MYPN: variants seen among roughly 807,000 people sequenced by gnomAD.
MYPN encodes the protein myopalladin.
In MYPN, 63 loss-of-function variants were observed where a neutral mutation model predicts 129.4. The observed-to-expected ratio is 0.49, with a 90% CI of 0.40 to 0.60. The LOEUF is 0.60. Among genes scored for constraint, MYPN ranks in the 20% least tolerant of loss-of-function variants. The pLI, the probability that MYPN is intolerant of heterozygous loss-of-function variation, is 0.00. For missense variants in MYPN, 1,596 were observed against 1,635.4 expected, an observed-to-expected ratio of 0.98 and a Z score of 0.42; for synonymous variants, 629 against 600.9, an observed-to-expected ratio of 1.05 and a Z score of -0.68.
At chr10:68,161,323 C>G (rs2042971068) in intron 7 of MYPN, among the ~76,000 whole-genome samples, 1 of 151,934 alleles carries the variant, frequency 6.6e-6, no homozygotes, top group Non-Finnish European at 1.5e-5. Flanking sequence ...TGATGAAACC[C>G]CATCTCTATC....
intron 2 of MYPN, among the ~76,000 whole-genome samples, chr10:68,127,858 A>G (rs1387541799): frequency 6.6e-6 from 1 of 152,242 alleles, no homozygotes; most frequent in Non-Finnish European, 1.5e-5. Context: ...ACCACAGTCA[A>G]TAAGGATAGT....
At chr10:68,138,633 C>T (rs533128225) in intron 2 of MYPN, among the ~76,000 whole-genome samples, 1 of 152,142 alleles carries the variant, frequency 6.6e-6, no homozygotes, top group South Asian at 2.1e-4. Context: ...AGAAAGTGAA[C>T]CACACTTTCA....
At chr10:68,179,673 T>C (rs2043284157) in intron 12 of MYPN, among the ~76,000 whole-genome samples, 1 of 152,144 alleles carries the variant, frequency 6.6e-6, no homozygotes, top group Admixed American at 6.6e-5. Flanking sequence ...ACTTTTTTAT[T>C]TTTTTGAGAC....
At chr10:68,176,576 G>A (rs2043230377) in intron 12 of MYPN, among the ~76,000 whole-genome samples, 1 of 152,154 alleles carries the variant, frequency 6.6e-6, no homozygotes, top group Non-Finnish European at 1.5e-5. Flanking sequence ...GTTATATATT[G>A]AGCAACTTAT....
At chr10:68,106,289 T>C, upstream of MYPN, 1 of 330,086 alleles carries the variant, frequency 3.0e-6, no homozygotes. Flanking sequence ...GAACTTTTAG[T>C]TTTTTTTTTT....
intron 10 of MYPN, among the ~76,000 whole-genome samples, chr10:68,170,581 C>T (rs950398447): frequency 6.6e-6 from 1 of 152,080 alleles, no homozygotes; most frequent in Admixed American, 6.6e-5. Context: ...CTTCAATTTG[C>T]TATTCATATG....
intron 1 of MYPN, among the ~76,000 whole-genome samples, chr10:68,097,226 T>G (rs2041961109): frequency 6.6e-6 from 1 of 152,212 alleles, no homozygotes; most frequent in South Asian, 2.1e-4. Context: ...TGATCTGATT[T>G]GCATCTCTAA....
At chr10:68,104,143 A>G (rs887804699), upstream of MYPN, among the ~76,000 whole-genome samples, 1 of 152,222 alleles carries the variant, frequency 6.6e-6, no homozygotes, top group Non-Finnish European at 1.5e-5. Context: ...AGCCTAGAAT[A>G]CACTTGTAAG....
At chr10:68,206,943 G>A (rs2134339094) in intron 19 of MYPN, 40 bp downstream of exon 19, 1 of 1,612,916 alleles carries the variant, frequency 6.2e-7, no homozygotes, top group Non-Finnish European at 8.5e-7. Context: ...GTATGCAACT[G>A]ACAGCTTAAA....
intron 4 of MYPN, among the ~76,000 whole-genome samples, chr10:68,147,522 C>A (rs772085493): frequency 6.6e-6 from 1 of 152,168 alleles, no homozygotes; most frequent in African/African-American, 2.4e-5. Flanking sequence ...ACACCTAGAC[C>A]AAAGGAAAGC....
chr10:68,197,301 G>A (rs375815224), intron 15 of MYPN, 51 bp from the exon 16 acceptor site: 2 of 1,600,514 alleles, frequency 1.2e-6, no homozygotes, highest in Admixed American at 1.7e-5. Context: ...ATTATCATAA[G>A]TTTGTAAATT....
chr10:68,142,274 C>T (rs748067817), intron 2 of MYPN, among the ~76,000 whole-genome samples: 11 of 152,168 alleles, frequency 7.2e-5, no homozygotes, highest in Non-Finnish European at 1.0e-4. Flanking sequence ...TGCACCTCTA[C>T]ATTTTAAACA....
chr10:68,204,854 C>T (rs2043786391), intron 18 of MYPN, among the ~76,000 whole-genome samples: 2 of 152,084 alleles, frequency 1.3e-5, no homozygotes, highest in Admixed American at 1.3e-4. Context: ...GACCCTCTCC[C>T]CTGCCTTCTT....
intron 2 of MYPN, among the ~76,000 whole-genome samples, chr10:68,142,309 A>G (rs1183903295): frequency 6.6e-6 from 1 of 152,180 alleles, no homozygotes; most frequent in Non-Finnish European, 1.5e-5. Context: ...ATTTTTGGTA[A>G]ACTTTGGCCA....
At chr10:68,121,330 C>T in intron 1 of MYPN, 108 bp from the exon 2 acceptor site, 1 of 948,576 alleles carries the variant, frequency 1.1e-6, no homozygotes, top group Non-Finnish European at 1.6e-6. Flanking sequence ...TTAGGCAATT[C>T]TTTATTTTGA....
intron 17 of MYPN, among the ~76,000 whole-genome samples, 189 bp from the exon 18 acceptor site, chr10:68,201,640 C>T (rs1290611294): frequency 3.9e-5 from 6 of 151,984 alleles, no homozygotes; most frequent in East Asian, 3.9e-4. Flanking sequence ...TGGCGGTGCA[C>T]GCCTGTAATC....
At chr10:68,191,190 G>A (rs2043505500) in intron 13 of MYPN, among the ~76,000 whole-genome samples, 1 of 149,354 alleles carries the variant, frequency 6.7e-6, no homozygotes, top group African/African-American at 2.5e-5. Context: ...GATTCCATAT[G>A]AATTTTAGAA....
At chr10:68,205,003 G>A (rs1443033405) in intron 18 of MYPN, among the ~76,000 whole-genome samples, 2 of 152,088 alleles carry the variant, frequency 1.3e-5, no homozygotes, top group African/African-American at 4.8e-5. Flanking sequence ...CCATCCCTGT[G>A]AGTTTCCACT....
At chr10:68,179,426 T>C (rs1249816091) in intron 12 of MYPN, among the ~76,000 whole-genome samples, 1 of 152,168 alleles carries the variant, frequency 6.6e-6, no homozygotes, top group Non-Finnish European at 1.5e-5. Flanking sequence ...TGCATCCCTG[T>C]TGTGCATGGT....
Sources: gnomAD v4.1 joint callset for allele counts (sites outside exome capture counted in the v4.1 genomes callset) on GRCh38, gnomAD v4.1.1 for gene constraint, MANE v1.5 for transcripts, NCBI Gene and HGNC (gene_info 2026-07-23, HGNC 2026-07-21) for gene names.